Variants in CDH4 observed in about 807,000 individuals in gnomAD.
CDH4 encodes cadherin 4.
CDH4 carries 33 observed loss-of-function variants against 86.0 expected under a neutral mutation model. The observed-to-expected ratio is 0.38, with a 90% confidence interval of 0.29 to 0.51. The LOEUF (loss-of-function observed/expected upper bound fraction) is 0.51, where lower values mean the gene tolerates loss of function less well. CDH4 is among the 20% of genes least tolerant of loss of function. The probability of loss-of-function intolerance (pLI) is 0.86; values close to 1 mark genes in which losing one functional copy is unlikely to be tolerated. For synonymous variants in CDH4, 555 were observed against 549.4 expected (o/e 1.01, Z -0.14); for missense variants, 1,114 against 1,307.4 (o/e 0.85, Z 2.28).
chr20:61,400,703 C>T (rs952715500), intron 2 of CDH4, among the ~76,000 whole-genome samples: 2 of 152,108 alleles, frequency 1.3e-5, no homozygotes, highest in African/African-American at 2.4e-5. Context: ...GGTGGGGATG[C>T]GAGAAGCTTC....
intron 2 of CDH4, among the ~76,000 whole-genome samples, chr20:61,536,907 G>A (rs1327754938): frequency 2.0e-5 from 3 of 152,196 alleles, no homozygotes; most frequent in African/African-American, 7.2e-5. Flanking sequence ...GAAGAGGCCG[G>A]TGGGTCCCAG....
At chr20:61,798,560 G>T (rs1979669125) in intron 4 of CDH4, among the ~76,000 whole-genome samples, 1 of 152,218 alleles carries the variant, frequency 6.6e-6, no homozygotes, top group East Asian at 1.9e-4. Flanking sequence ...GCTCTGTGTG[G>T]AGCCACCTGA....
At chr20:61,658,665 A>G (rs2087218671) in intron 2 of CDH4, among the ~76,000 whole-genome samples, 1 of 152,072 alleles carries the variant, frequency 6.6e-6, no homozygotes, top group African/African-American at 2.4e-5. Flanking sequence ...CTGTCTCAGC[A>G]CCAGCTGGGG....
intron 2 of CDH4, among the ~76,000 whole-genome samples, chr20:61,258,354 A>G (rs1056608684): frequency 6.8e-6 from 1 of 146,680 alleles, no homozygotes; most frequent in African/African-American, 2.5e-5. Context: ...AAGAAAAAAA[A>G]AAAAGAAAGA....
At chr20:61,398,655 A>G (rs892759611) in intron 2 of CDH4, among the ~76,000 whole-genome samples, 3 of 147,914 alleles carry the variant, frequency 2.0e-5, no homozygotes, top group African/African-American at 7.3e-5. Flanking sequence ...AGTTTCATCC[A>G]CCTCACTCCA....
intron 2 of CDH4, among the ~76,000 whole-genome samples, chr20:61,606,317 G>C (rs758862750): frequency 6.6e-6 from 1 of 152,222 alleles, no homozygotes; most frequent in Non-Finnish European, 1.5e-5. Flanking sequence ...TCCACAGCAT[G>C]GGGGAGAGCT....
At chr20:61,892,440 G>A (rs1422642164) in intron 7 of CDH4, among the ~76,000 whole-genome samples, 1 of 152,202 alleles carries the variant, frequency 6.6e-6, no homozygotes, top group East Asian at 1.9e-4. Context: ...CAATGATCAA[G>A]GGAGGACACA....
At chr20:61,621,229 G>A (rs552251488) in intron 2 of CDH4, among the ~76,000 whole-genome samples, 46 of 152,190 alleles carry the variant, frequency 3.0e-4, no homozygotes, top group Non-Finnish European at 1.5e-4. Flanking sequence ...GGTCAGGGCC[G>A]GCTGCTAGTG....
At chr20:61,504,885 C>G (rs2085729606) in intron 2 of CDH4, among the ~76,000 whole-genome samples, 1 of 152,186 alleles carries the variant, frequency 6.6e-6, no homozygotes, top group South Asian at 2.1e-4. Context: ...TTCACCGTTT[C>G]CTCTCCAAGG....
intron 2 of CDH4, among the ~76,000 whole-genome samples, chr20:61,495,561 G>T (rs1376225606): frequency 6.6e-6 from 1 of 152,188 alleles, no homozygotes; most frequent in Non-Finnish European, 1.5e-5. Flanking sequence ...TGCAGCCTGG[G>T]CGACAGAGCA....
intron 2 of CDH4, among the ~76,000 whole-genome samples, chr20:61,271,128 C>T (rs558766989): frequency 5.9e-5 from 9 of 152,220 alleles, no homozygotes; most frequent in Non-Finnish European, 1.0e-4. Flanking sequence ...AATTTCAGCA[C>T]GTCAAGATTT....
At chr20:61,457,478 T>C (rs1454120007) in intron 2 of CDH4, among the ~76,000 whole-genome samples, 1 of 152,150 alleles carries the variant, frequency 6.6e-6, no homozygotes, top group Non-Finnish European at 1.5e-5. Flanking sequence ...GCAGGGATGA[T>C]GACAATGGTG....
intron 7 of CDH4, among the ~76,000 whole-genome samples, chr20:61,891,431 C>T (rs1422714080): frequency 6.6e-6 from 1 of 152,214 alleles, no homozygotes; most frequent in Non-Finnish European, 1.5e-5. Flanking sequence ...GAGCCGCCCA[C>T]TCTCCCCGGC....
chr20:61,636,487 A>G (rs2086947685), intron 2 of CDH4, among the ~76,000 whole-genome samples: 1 of 152,240 alleles, frequency 6.6e-6, no homozygotes, highest in African/African-American at 2.4e-5. Flanking sequence ...TCATTTACCA[A>G]CTAAAATGGA....
chr20:61,889,842 G>GGATA (rs1984728042), intron 7 of CDH4, among the ~76,000 whole-genome samples: 4 of 150,228 alleles, frequency 2.7e-5, no homozygotes, highest in African/African-American at 4.9e-5. Context: ...GATGATGGAT[G>GGATA]GATAGATAAT....
intron 2 of CDH4, among the ~76,000 whole-genome samples, chr20:61,721,877 G>A (rs1459579579): frequency 6.6e-6 from 1 of 152,168 alleles, no homozygotes; most frequent in Non-Finnish European, 1.5e-5. Flanking sequence ...CCCGCTGTGT[G>A]GCATCCCTTC....
At chr20:61,474,703 CTTTT>C (rs1043939699) in intron 2 of CDH4, among the ~76,000 whole-genome samples, 1 of 151,490 alleles carries the variant, frequency 6.6e-6, no homozygotes, top group Non-Finnish European at 1.5e-5. Flanking sequence ...TTTCAACATT[CTTTT>C]TTTTAAAAAA....
rs55920224 is a variant in CDH4 at position 61,665,749 on chromosome 20, C to T, written c.170-77814C>T. Among the ~76,000 whole-genome samples, 653 of 152,290 alleles carry T rather than the reference C, an allele frequency of 4.3e-3. 6 individuals are homozygous for T. Among genetic ancestry groups the T allele is most frequent in the African/African-American group, 0.014 (596 of 41,562 alleles). On this transcript the variant is annotated intron_variant, in intron 2 of 15. Transcript: ENST00000614565. ...ACAATACACGGGGGTCACCTAACAT[C>T]GGATTTATCTCCGACCTTTGAGTGT... is the stretch of plus-strand genomic sequence containing the variant.
intron 2 of CDH4, among the ~76,000 whole-genome samples, chr20:61,500,861 C>A (rs2085695869): frequency 6.6e-6 from 1 of 152,244 alleles, no homozygotes; most frequent in Non-Finnish European, 1.5e-5. Context: ...ACATCCAGCC[C>A]CCAGTGCAGG....
Sources: allele counts gnomAD v4.1 joint callset (sites outside exome capture counted in the v4.1 genomes callset), GRCh38; gene constraint gnomAD v4.1.1; transcripts MANE v1.5; gene names NCBI Gene and HGNC (gene_info 2026-07-23, HGNC 2026-07-21).